GRID2: variants seen among roughly 807,000 people sequenced by gnomAD.
The protein encoded by GRID2 is glutamate receptor ionotropic, delta-2.
A neutral mutation model predicts 114.8 loss-of-function variants in GRID2; 33 were observed. The ratio of observed to expected loss-of-function variants is 0.29; its 90% confidence interval spans 0.22 to 0.38. GRID2 has a LOEUF of 0.38. Among genes scored for constraint, GRID2 ranks in the 10% least tolerant of loss-of-function variants. The pLI is 1.00. For missense variants in GRID2, 1,184 were observed against 1,257.7 expected (o/e 0.94, Z 0.89); for synonymous variants, 505 against 449.9 (o/e 1.12, Z -1.55).
intron 2 of GRID2, among the ~76,000 whole-genome samples, chr4:93,061,541 T>C (rs1727810469): frequency 6.6e-6 from 1 of 152,118 alleles, no homozygotes; most frequent in African/African-American, 2.4e-5. Flanking sequence ...GGTATTGACG[T>C]ACAATTCTAT....
chr4:92,462,693 T>A (rs2149089032), intron 1 of GRID2, among the ~76,000 whole-genome samples: 1 of 151,838 alleles, frequency 6.6e-6, no homozygotes, highest in African/African-American at 2.4e-5. Flanking sequence ...TGAGTTAAAA[T>A]GTTAAGTGAT....
intron 8 of GRID2, among the ~76,000 whole-genome samples, chr4:93,364,194 A>G (rs1762128405): frequency 6.6e-6 from 1 of 152,148 alleles, no homozygotes; most frequent in Non-Finnish European, 1.5e-5. Flanking sequence ...TTTCATAAAA[A>G]TCTGAAACTA....
At position 93,466,143 on chromosome 4, in the gene GRID2, A is replaced by T. The variant is rs1427733741; in HGVS notation, c.1858+10169A>T. 2.0e-5 allele frequency among the ~76,000 whole-genome samples: 3 copies of T among 152,246 alleles called. No homozygotes were observed. The East Asian group carries it at 5.8e-4, about 29-fold the overall frequency. On this transcript the variant is annotated intron_variant, in intron 11 of 15. Transcript: ENST00000282020. ...ACTAAAATAGCACAATATTAAGTAT[A>T]AACATTACAGGAAGGCTAGTTTCTA...
At chr4:93,125,010 AGT>A (rs1264677437) in intron 4 of GRID2, among the ~76,000 whole-genome samples, 1 of 152,050 alleles carries the variant, frequency 6.6e-6, no homozygotes, top group Non-Finnish European at 1.5e-5. Context: ...CTTGTAGAAA[AGT>A]GTTAGAAATA....
chr4:92,818,140 G>A (rs76403841), intron 2 of GRID2, among the ~76,000 whole-genome samples: 346 of 152,050 alleles, frequency 2.3e-3, no homozygotes, highest in Admixed American at 3.8e-3. Flanking sequence ...ATTATCTCAG[G>A]TGTCACACTA....
At position 93,163,368 on chromosome 4, in the gene GRID2, A is replaced by G. The variant is rs1467087090; in HGVS notation, c.736-44036A>G. Among the ~76,000 whole-genome samples, 257 of 47,960 alleles carry G rather than the reference A, an allele frequency of 5.4e-3. 6 individuals are homozygous for G. The highest frequency in any genetic ancestry group is 0.029 in the African/African-American group (247 of 8,624). 31.5% of individuals were successfully genotyped at this position (47,960 alleles called of 152,430 possible). ...ATTTTTTTTTTGTGTATATATATAT[A>G]TATATATATATATATATATATATAT... On this transcript the variant is annotated intron_variant, in intron 4 of 15. Coordinates refer to ENST00000282020, the MANE Select transcript of GRID2 (RefSeq NM_001510.4).
chr4:93,096,119 A>T (rs938011843), intron 3 of GRID2, among the ~76,000 whole-genome samples: 1 of 151,986 alleles, frequency 6.6e-6, no homozygotes, highest in Non-Finnish European at 1.5e-5. Flanking sequence ...TTCAGTGGTG[A>T]AATGTTTAAG....
chr4:92,427,813 G>C (rs1002709919), intron 1 of GRID2, among the ~76,000 whole-genome samples: 5 of 152,070 alleles, frequency 3.3e-5, no homozygotes, highest in African/African-American at 1.2e-4. Flanking sequence ...CTTAATGAAT[G>C]CAAAGTTTTT....
intron 1 of GRID2, among the ~76,000 whole-genome samples, chr4:92,477,360 T>G (rs1225611858): frequency 6.6e-6 from 1 of 152,096 alleles, no homozygotes; most frequent in Admixed American, 6.6e-5. Context: ...TTAGACTAAA[T>G]GGACAGACAC....
At chr4:93,579,350 T>C (rs1211878051) in intron 13 of GRID2, among the ~76,000 whole-genome samples, 6 of 152,086 alleles carry the variant, frequency 3.9e-5, no homozygotes, top group Admixed American at 3.9e-4. Flanking sequence ...AAGCTCAATA[T>C]TGACAGCCCA....
chr4:93,115,462 G>T (rs1333891011), intron 4 of GRID2, among the ~76,000 whole-genome samples: 1 of 140,582 alleles, frequency 7.1e-6, no homozygotes, highest in Non-Finnish European at 1.6e-5. Context: ...TATGTACTAT[G>T]TTTAAATTCT....
chr4:92,317,462 A>G (rs939280826), intron 1 of GRID2, among the ~76,000 whole-genome samples: 1 of 152,208 alleles, frequency 6.6e-6, no homozygotes, highest in African/African-American at 2.4e-5. Flanking sequence ...CAGTGCTTCT[A>G]TTTTTCTCCA....
At chr4:92,813,494 A>C (rs1036440444) in intron 2 of GRID2, among the ~76,000 whole-genome samples, 2 of 152,116 alleles carry the variant, frequency 1.3e-5, no homozygotes, top group Non-Finnish European at 2.9e-5. Context: ...ACAAACATTC[A>C]ATTCATAACA....
chr4:92,543,427 CAT>C (rs1726079744), intron 1 of GRID2, among the ~76,000 whole-genome samples: 1 of 152,092 alleles, frequency 6.6e-6, no homozygotes, highest in Admixed American at 6.6e-5. Flanking sequence ...AGCAAAAATT[CAT>C]ATACTTTAAG....
chr4:93,608,109 C>T (rs1434465749), intron 13 of GRID2, among the ~76,000 whole-genome samples: 1 of 148,514 alleles, frequency 6.7e-6, no homozygotes, highest in East Asian at 2.0e-4. Flanking sequence ...TATATATACA[C>T]ACACACATAT....
intron 13 of GRID2, among the ~76,000 whole-genome samples, chr4:93,571,730 A>AAGTAATGCAT (rs1463366194): frequency 6.6e-6 from 1 of 152,148 alleles, no homozygotes; most frequent in Non-Finnish European, 1.5e-5. Context: ...TTTATGGGAA[A>AAGTAATGCAT]AGTAATGCAT....
intron 13 of GRID2, among the ~76,000 whole-genome samples, chr4:93,580,371 T>G (rs1426048122): frequency 6.6e-6 from 1 of 152,234 alleles, no homozygotes; most frequent in East Asian, 1.9e-4. Flanking sequence ...GATACTGATG[T>G]GTTGATGCAA....
chr4:93,297,177 T>G (rs1312729535), intron 8 of GRID2, among the ~76,000 whole-genome samples: 1 of 152,178 alleles, frequency 6.6e-6, no homozygotes, highest in African/African-American at 2.4e-5. Context: ...TATTCTGAAT[T>G]CCCATTTCTA....
intron 10 of GRID2, among the ~76,000 whole-genome samples, chr4:93,441,359 C>T (rs764438824): frequency 6.6e-6 from 1 of 151,858 alleles, no homozygotes; most frequent in Admixed American, 6.6e-5. Context: ...ATTTAACATG[C>T]CAGTTCTAGT....
Sources: gnomAD v4.1 joint callset for allele counts (sites outside exome capture counted in the v4.1 genomes callset) on GRCh38, gnomAD v4.1.1 for gene constraint, MANE v1.5 for transcripts, NCBI Gene and HGNC (gene_info 2026-07-23, HGNC 2026-07-21) for gene names.